The following JAG1 variants were observed in gnomAD, a reference collection of about 807,000 sequenced individuals.
The protein encoded by JAG1 is jagged canonical Notch ligand 1, also known as protein jagged-1.
A neutral mutation model predicts 148.7 loss-of-function variants in JAG1; 23 were observed. That is an observed-to-expected ratio of 0.15 (90% CI 0.11 to 0.22). The LOEUF is 0.22. Ranked by LOEUF, JAG1 falls within the 10% of genes least tolerant of loss-of-function variation. The pLI is 1.00. For synonymous variants in JAG1, 572 were observed against 598.3 expected (o/e 0.96, Z 0.64); for missense variants, 1,054 against 1,611.2 (o/e 0.65, Z 5.92).
At chr20:10,649,676 C>A (rs375828385) in intron 9 of JAG1, 41 bp from the exon 10 acceptor site, 2 of 1,092,590 alleles carry the variant, frequency 1.8e-6, no homozygotes, top group Non-Finnish European at 2.8e-6. Flanking sequence ...TGAAGTTCAA[C>A]CCCCATCTCC....
chr20:10,648,900 C>T, intron 11 of JAG1, 161 bp downstream of exon 11: 1 of 874,746 alleles, frequency 1.1e-6, no homozygotes, highest in Non-Finnish European at 1.9e-6. Flanking sequence ...AAAATGACTC[C>T]CACGAGGCTG....
In JAG1 at chr20:10,645,241, T is replaced by A. The variant is rs1568794150; in HGVS notation, c.2129A>T (p.Asp710Val). ...GCCACCGTTGTTGCACGTGGCCTCATCACACTGACTGTCACCTGGAGGAAA... is the reference window on the plus strand; with the variant it reads ...GCCACCGTTGTTGCACGTGGCCTCAACACACTGACTGTCACCTGGAGGAAA... ...KTCHSRDSQC[D>V]EATCNNGGTC... is the part of the protein sequence containing the mutation. Residue 710 changes from aspartate to valine, a missense_variant, in exon 17 of 26, where the codon GAT becomes GTT. This residue lies in a region of JAG1 where 342 missense variants were observed against 514.6 expected (regional missense o/e 0.66). Coordinates refer to ENST00000254958, the MANE Select transcript of JAG1 (RefSeq NM_000214.3). This position sits in a 1 kb window ranked among gnomAD's most constrained non-coding sequence, Gnocchi z 6.1. 1 of 1,613,888 alleles carries A rather than the reference T, an allele frequency of 6.2e-7. No individual in the cohort carries two copies. Among genetic ancestry groups the A allele is most frequent in the Non-Finnish European group, 8.5e-7 (1 of 1,179,892 alleles).
At position 10,639,465 on chromosome 20, in the gene JAG1, ACT is replaced by A. The variant is rs771633785; in HGVS notation, c.*31_*32del. On this transcript the variant is annotated 3_prime_UTR_variant, in exon 26 of 26. Transcript: ENST00000254958. Reference sequence around the variant, plus strand: ...AGTTTAAAGAACTACAAGCCCTCAGACTCTACCTAGCGGCGGCAGTGCCCGCG... The same window carrying A: ...AGTTTAAAGAACTACAAGCCCTCAGACTACCTAGCGGCGGCAGTGCCCGCG... 18 of 1,573,782 alleles carry A rather than the reference ACT, an allele frequency of 1.1e-5. No homozygotes were observed. The highest frequency in any genetic ancestry group is 1.4e-5 in the Non-Finnish European group (16 of 1,143,226).
chr20:10,649,063 G>T lies in JAG1; in HGVS notation c.1393C>A (p.Arg465=). The T allele has an allele frequency of 6.2e-7, 1 of 1,608,056 alleles. No homozygotes were observed. Among genetic ancestry groups the T allele is most frequent in the Non-Finnish European group, 8.5e-7 (1 of 1,174,542 alleles). ...GATTTAAGCAAAGATTTACATACCCGACAGGAGGCGTCATTCTGACACTGG... is the reference window on the plus strand; with the variant it reads ...GATTTAAGCAAAGATTTACATACCCTACAGGAGGCGTCATTCTGACACTGG... The part of the protein sequence containing the change: ...LGQCQNDASC[R]DLVNGYRCIC... The change falls in exon 11 of 26, where the codon CGG becomes AGG. Residue 465 remains arginine, a splice_region_variant and synonymous_variant. Transcript: ENST00000254958.
At position 10,648,986 on chromosome 20, in the gene JAG1, C is replaced by T. The variant is rs2067327496; in HGVS notation, c.1395+75G>A. 2.4e-6 allele frequency: 3 copies of T among 1,225,486 alleles called. No individual in the cohort carries two copies. The Admixed American group carries it at 5.1e-5, about 21-fold the overall frequency. The allele number at this position is 1,225,486 out of a possible 1,614,324, so 75.9% of individuals were successfully genotyped here. A position where few individuals can be genotyped will look rare whatever the true frequency, so the allele number is the denominator to read the frequency against. ...ATTTTTAAATCTCACAGGGACAGAG[C>T]TCTCCTAGTGTCGCACAAATCTAAA... is the stretch of plus-strand genomic sequence containing the variant. On this transcript the variant is annotated intron_variant, in intron 11 of 25. Coordinates refer to ENST00000254958, the MANE Select transcript of JAG1 (RefSeq NM_000214.3).
chr20:10,658,508 T>C lies in JAG1; in HGVS notation c.654A>G (p.Lys218=). The C allele has an allele frequency of 6.2e-7, 1 of 1,614,224 alleles. No homozygotes were observed. The highest frequency in any genetic ancestry group is 1.7e-5 in the Admixed American group (1 of 60,032). ...GGCCCATCCAGCCTTCCATGCAAGT[T>C]TTGTTGCCATTCTGGTCACAGGCAT... ...GHYACDQNGN[K]TCMEGWMGPE... is the part of the protein sequence containing the mutation. The change falls in exon 4 of 26, where the codon AAA becomes AAG. Residue 218 remains lysine, a synonymous_variant. Coordinates refer to ENST00000254958, the MANE Select transcript of JAG1 (RefSeq NM_000214.3).
At chr20:10,644,541 C>T (rs2067294949) in intron 18 of JAG1, 157 bp from the exon 19 acceptor site, 1 of 704,276 alleles carries the variant, frequency 1.4e-6, no homozygotes, top group East Asian at 2.7e-5. Flanking sequence ...GCCCGCACCA[C>T]ACTTAGTTTC....
chr20:10,672,576 G>C (rs1333112536), intron 2 of JAG1, 125 bp downstream of exon 2: 1 of 992,308 alleles, frequency 1.0e-6, no homozygotes, highest in Admixed American at 2.0e-5. Context: ...CACCCCTAGA[G>C]ATTTCCCCAG....
chr20:10,658,799 A>C, intron 3 of JAG1, 77 bp from the exon 4 acceptor site: 1 of 1,475,120 alleles, frequency 6.8e-7, no homozygotes, highest in Non-Finnish European at 9.4e-7. Flanking sequence ...TTTTAAAATA[A>C]AAACATATGC....
In JAG1 at chr20:10,641,799, C is replaced by T. The variant is rs149419694; in HGVS notation, c.2666G>A (p.Arg889Gln). The change falls in exon 22 of 26, where the codon CGG becomes CAG. Residue 889 changes from arginine (R) to glutamine (Q), a missense_variant. Arg to Gln is a conservative substitution (Grantham distance 43). Transcript: ENST00000254958. Reference protein sequence around the residue: ...DCNTCQCLNGRIACSKVWCGP... With the variant: ...DCNTCQCLNGQIACSKVWCGP... ...ATGTCCTACCTTTGAGCAGGCGATC[C>T]GTCCATTCAGGCACTGGCAGGTATT... 6.5e-5 allele frequency: 105 copies of T among 1,613,546 alleles called. 1 individual carries two copies. In the Middle Eastern group the frequency reaches 4.9e-3, roughly 76 times the overall value.
chr20:10,658,442 G>A lies in JAG1; in HGVS notation c.694+26C>T, dbSNP rs377623653. 156 of 1,612,332 alleles carry A rather than the reference G, an allele frequency of 9.7e-5. No homozygotes were observed. Among genetic ancestry groups the A allele is most frequent in the Non-Finnish European group, 1.1e-4 (135 of 1,179,976 alleles). On this transcript the variant is annotated intron_variant, in intron 4 of 25. Transcript: ENST00000254958. ...TGGACACTAAAAGCAACAGGCACAC[G>A]TGCACATGCACACACACACACATAC...
At chr20:10,648,251 T>G in intron 12 of JAG1, 141 bp from the exon 13 acceptor site, 95 of 994,880 alleles carry the variant, frequency 9.5e-5, no homozygotes, top group Non-Finnish European at 1.3e-4. Flanking sequence ...GATACATCTC[T>G]ATGCTGTAGG....
chr20:10,644,302 A>G, intron 19 of JAG1, 55 bp downstream of exon 19: 1 of 1,345,532 alleles, frequency 7.4e-7, no homozygotes, highest in Non-Finnish European at 1.1e-6. Flanking sequence ...ACACACACAC[A>G]CACACACACA....
chr20:10,649,662 G>A (rs1196376773), intron 9 of JAG1, 27 bp from the exon 10 acceptor site: 2 of 1,380,946 alleles, frequency 1.4e-6, no homozygotes, highest in South Asian at 1.2e-5. Flanking sequence ...ATGAGCATGA[G>A]AAATGAAGTT....
intron 3 of JAG1, 116 bp from the exon 4 acceptor site, chr20:10,658,838 A>G: frequency 8.4e-7 from 1 of 1,190,056 alleles, no homozygotes; most frequent in East Asian, 2.4e-5. Flanking sequence ...TCTGTTGTAA[A>G]AAAGGCAAAG....
chr20:10,648,202 T>A, intron 12 of JAG1, 92 bp from the exon 13 acceptor site: 1 of 1,464,536 alleles, frequency 6.8e-7, no homozygotes, highest in Non-Finnish European at 9.5e-7. Flanking sequence ...CACTGGAATC[T>A]GACAGTTCCT....
In JAG1 at chr20:10,660,262, C is replaced by G. The variant is rs575600188; in HGVS notation, c.440-1540G>C. ...CAAACTGCTGCGTGGGCAAGACAAG[C>G]CTTGAACAAGCTCACATACCTGCAG... On this transcript the variant is annotated intron_variant, in intron 3 of 25. Transcript: ENST00000254958. Among the ~76,000 whole-genome samples, 43 of 152,302 alleles carry G rather than the reference C, an allele frequency of 2.8e-4. 1 individual carries two copies. In the East Asian group the frequency reaches 7.7e-3, roughly 27 times the overall value.
chr20:10,641,885 C>T lies in JAG1; in HGVS notation c.2580G>A (p.Gly860=), dbSNP rs2067274974. 6.2e-7 allele frequency: 1 copy of T among 1,608,854 alleles called. No individual in the cohort carries two copies. The highest frequency in any genetic ancestry group is 8.5e-7 in the Non-Finnish European group (1 of 1,175,290). The part of the protein sequence containing the change: ...HSGAKCQEVS[G]RPCITMGSVI... ...CACTCCCCATGGTGATGCAAGGTCT[C>T]CCTGAAACTGACAGGTGGAGACGGG... The change falls in exon 22 of 26, where the codon GGG becomes GGA. Residue 860 remains glycine, a synonymous_variant. Coordinates refer to ENST00000254958, the MANE Select transcript of JAG1 (RefSeq NM_000214.3).
Position 10,647,027 on chromosome 20 carries a change from A to G in JAG1, c.1797T>C (p.Cys599=), listed in dbSNP as rs746760284. Residue 599 remains cysteine (C), a synonymous_variant, in exon 14 of 26, where the codon TGT becomes TGC. Coordinates refer to ENST00000254958, the MANE Select transcript of JAG1 (RefSeq NM_000214.3). ...EGVRYISSNV[C]GPHGKCKSQS... is the part of the protein sequence containing the mutation. The stretch of plus-strand genomic sequence containing the variant: ...GACTCTTGCACTTCCCGTGAGGACC[A>G]CAGACGTTGGAGGAAATATACCGCA... 2.5e-5 allele frequency: 40 copies of G among 1,614,044 alleles called. 1 individual carries two copies. The East Asian group carries it at 8.5e-4, about 34-fold the overall frequency.
Sources: gnomAD v4.1 joint callset for allele counts (sites outside exome capture counted in the v4.1 genomes callset) on GRCh38, gnomAD v4.1.1 for gene constraint, gnomAD v4.1.1 regional missense constraint, Gnocchi (gnomAD v3.1) non-coding constraint, MANE v1.5 for transcripts, NCBI Gene and HGNC (gene_info 2026-07-23, HGNC 2026-07-21) for gene names.